Variants in ZC3H12B observed in about 807,000 individuals in gnomAD.
The protein encoded by ZC3H12B is zinc finger CCCH-type containing 12B.
ZC3H12B carries 7 observed loss-of-function variants against 43.9 expected under a neutral mutation model. That is an observed-to-expected ratio of 0.16 (90% CI 0.09 to 0.30). ZC3H12B has a LOEUF of 0.30. Among genes scored for constraint, ZC3H12B ranks in the 10% least tolerant of loss-of-function variants. ZC3H12B has a pLI of 1.00. For synonymous variants in ZC3H12B, 222 were observed against 241.7 expected (o/e 0.92, Z 0.76); for missense variants, 475 against 670.2 (o/e 0.71, Z 3.22).
chrX:65,407,318 G>A (rs2066841859), intron 3 of ZC3H12B, among the ~76,000 whole-genome samples: 1 of 2,492 alleles, frequency 4.0e-4, no homozygotes, highest in Admixed American at 4.1e-3. Context: ...GAGTAGCCCC[G>A]TCGGGCCCGG....
chrX:65,180,983 C>T, the ZC3H12B span, among the ~76,000 whole-genome samples: 1 of 111,216 alleles, frequency 9.0e-6, no homozygotes, highest in Non-Finnish European at 1.9e-5. Flanking sequence ...GGAGGCACCA[C>T]GCTACCTGAC....
At chrX:65,387,399 G>T (rs886202765) in intron 2 of ZC3H12B, among the ~76,000 whole-genome samples, 2 of 111,576 alleles carry the variant, frequency 1.8e-5, no homozygotes, top group Non-Finnish European at 3.8e-5. Context: ...TTATTTAATG[G>T]CCTCTTTGTC....
chrX:65,491,714 A>T (rs5918950), intron 1 of ZC3H12B, among the ~76,000 whole-genome samples: 2,537 of 97,098 alleles, frequency 0.026, 37 homozygotes, highest in Middle Eastern at 0.084. Context: ...TTAAAAAAAA[A>T]ATATATATAT....
intron 1 of ZC3H12B, among the ~76,000 whole-genome samples, chrX:65,491,713 A>AT (rs1569424699): frequency 9.0e-4 from 79 of 87,341 alleles, no homozygotes; most frequent in South Asian, 1.3e-3. Context: ...TTTAAAAAAA[A>AT]AATATATATA....
the ZC3H12B span, among the ~76,000 whole-genome samples, chrX:65,277,267 T>C: frequency 8.9e-6 from 1 of 111,810 alleles, no homozygotes; most frequent in East Asian, 2.8e-4. Context: ...ACGGTAATAG[T>C]TGGGGAGTTC....
chrX:65,397,699 C>T (rs2066717028), intron 2 of ZC3H12B, among the ~76,000 whole-genome samples: 1 of 111,515 alleles, frequency 9.0e-6, no homozygotes, highest in Non-Finnish European at 1.9e-5. Flanking sequence ...AACCTGAAAG[C>T]CTTTCTTCTA....
At chrX:65,225,511 C>A in the ZC3H12B span, among the ~76,000 whole-genome samples, 10 of 112,575 alleles carry the variant, frequency 8.9e-5, no homozygotes, top group African/African-American at 3.2e-4. Flanking sequence ...AGCAATGGAG[C>A]AAAGCTGGAC....
At chrX:65,155,625 A>G in the ZC3H12B span, among the ~76,000 whole-genome samples, 1 of 111,493 alleles carries the variant, frequency 9.0e-6, no homozygotes, top group Admixed American at 9.6e-5. Context: ...GGCCCAAGGC[A>G]GGAGGATCCA....
chrX:65,341,377 A>T, the ZC3H12B span, among the ~76,000 whole-genome samples: 1 of 111,739 alleles, frequency 8.9e-6, no homozygotes, highest in Non-Finnish European at 1.9e-5. Flanking sequence ...AACATACTTC[A>T]CATGAAGATC....
At chrX:65,115,542 A>C in the ZC3H12B span, among the ~76,000 whole-genome samples, 1 of 111,300 alleles carries the variant, frequency 9.0e-6, no homozygotes, top group Non-Finnish European at 1.9e-5. Flanking sequence ...TTTTCGTATA[A>C]TGCCTTGTTT....
chrX:65,381,981 A>G (rs1393296232), intron 2 of ZC3H12B, among the ~76,000 whole-genome samples: 1 of 112,020 alleles, frequency 8.9e-6, no homozygotes, highest in African/African-American at 3.3e-5. Context: ...AACGATAAAG[A>G]GTCCAGGACC....
chrX:65,184,386 A>G, the ZC3H12B span, among the ~76,000 whole-genome samples: 1 of 111,313 alleles, frequency 9.0e-6, no homozygotes, highest in South Asian at 3.7e-4. Flanking sequence ...TTAGAGCAAC[A>G]TTGCTGTGGG....
the ZC3H12B span, among the ~76,000 whole-genome samples, chrX:65,261,828 C>T: frequency 9.1e-6 from 1 of 110,415 alleles, no homozygotes; most frequent in Non-Finnish European, 1.9e-5. Context: ...CTAGATATGT[C>T]AAAACTTGTG....
the ZC3H12B span, among the ~76,000 whole-genome samples, chrX:65,125,262 G>T: frequency 8.1e-5 from 9 of 111,634 alleles, no homozygotes; most frequent in Admixed American, 8.5e-4. Context: ...TCAGAAGCAG[G>T]TTATTTAATT....
chrX:65,365,981 T>C (rs1267207027), upstream of ZC3H12B, among the ~76,000 whole-genome samples: 1 of 110,332 alleles, frequency 9.1e-6, no homozygotes, highest in Non-Finnish European at 1.9e-5. Context: ...ACAAAAAACA[T>C]AAAACTGAAT....
chrX:65,262,417 G>A, the ZC3H12B span, among the ~76,000 whole-genome samples: 1 of 110,778 alleles, frequency 9.0e-6, no homozygotes, highest in African/African-American at 3.3e-5. Context: ...TGGAAGACTA[G>A]TTATGATTTC....
chrX:65,228,876 A>C, the ZC3H12B span, among the ~76,000 whole-genome samples: 10 of 111,994 alleles, frequency 8.9e-5, no homozygotes, highest in African/African-American at 3.2e-4. Flanking sequence ...GCTCAAGGAA[A>C]TAAAAGAGCA....
chrX:65,392,096 G>A (rs1230154045), intron 2 of ZC3H12B, among the ~76,000 whole-genome samples: 4 of 111,299 alleles, frequency 3.6e-5, no homozygotes, highest in Admixed American at 2.9e-4. Context: ...GAGTGCAGTG[G>A]CATGATCTCG....
chrX:65,367,522 C>A (rs1037205812), intron 1 of ZC3H12B, among the ~76,000 whole-genome samples: 1 of 111,410 alleles, frequency 9.0e-6, no homozygotes, highest in African/African-American at 3.3e-5. Context: ...GTGGAATATA[C>A]TTTCTAATAA....
Sources: gnomAD v4.1 joint callset for allele counts (sites outside exome capture counted in the v4.1 genomes callset) on GRCh38, gnomAD v4.1.1 for gene constraint, MANE v1.5 for transcripts, NCBI Gene and HGNC (gene_info 2026-07-23, HGNC 2026-07-21) for gene names.